TRAPPC9: variants seen among roughly 807,000 people sequenced by gnomAD.
The protein encoded by TRAPPC9 is trafficking protein particle complex subunit 9, also known as IKK2 binding protein.
A neutral mutation model predicts 124.0 loss-of-function variants in TRAPPC9; 83 were observed. The observed-to-expected ratio is 0.67, with a 90% CI of 0.56 to 0.80. The LOEUF is 0.80. Ranked by LOEUF, TRAPPC9 falls within the 30% of genes least tolerant of loss-of-function variation. The probability of loss-of-function intolerance (pLI) is 0.00; values close to 1 mark genes in which losing one functional copy is unlikely to be tolerated. For missense variants in TRAPPC9, 1,302 were observed against 1,508.3 expected (o/e 0.86, Z 2.27); for synonymous variants, 638 against 617.5 (o/e 1.03, Z -0.49).
intron 7 of TRAPPC9, among the ~76,000 whole-genome samples, chr8:140,380,881 A>C (rs2068587012): frequency 6.6e-6 from 1 of 152,028 alleles, no homozygotes; most frequent in Non-Finnish European, 1.5e-5. Flanking sequence ...CCAAAATTAA[A>C]AACTTTTGTG....
chr8:139,746,619 G>A (rs1380150316), intron 21 of TRAPPC9, among the ~76,000 whole-genome samples: 1 of 152,174 alleles, frequency 6.6e-6, no homozygotes, highest in Non-Finnish European at 1.5e-5. Context: ...CCAGGTGAGC[G>A]CCAAAAAGCT....
chr8:139,749,490 C>A (rs184454680), intron 21 of TRAPPC9, among the ~76,000 whole-genome samples: 1 of 152,168 alleles, frequency 6.6e-6, no homozygotes, highest in Non-Finnish European at 1.5e-5. Flanking sequence ...CATCTCTGGG[C>A]GCCATGTCCA....
intron 21 of TRAPPC9, among the ~76,000 whole-genome samples, chr8:139,846,138 G>A (rs1827062733): frequency 6.6e-6 from 1 of 152,250 alleles, no homozygotes. Flanking sequence ...ACAGGCTGCA[G>A]GGAGAGGAGG....
At chr8:140,134,535 A>G (rs1321285698) in intron 17 of TRAPPC9, among the ~76,000 whole-genome samples, 3 of 8,202 alleles carry the variant, frequency 3.7e-4, no homozygotes, top group African/African-American at 1.5e-3. Flanking sequence ...AAGTGCTGGG[A>G]TTACATGGTT....
At chr8:140,165,739 A>T (rs1180789783) in intron 17 of TRAPPC9, among the ~76,000 whole-genome samples, 5 of 152,010 alleles carry the variant, frequency 3.3e-5, no homozygotes, top group Admixed American at 3.3e-4. Flanking sequence ...ATCTTACCTG[A>T]GATTATCTGC....
chr8:139,918,379 T>TG (rs1264961529), intron 19 of TRAPPC9, among the ~76,000 whole-genome samples: 14 of 152,352 alleles, frequency 9.2e-5, no homozygotes, highest in South Asian at 8.3e-4. Context: ...CCCCCGACCC[T>TG]GCACTGGGAA....
rs112021173 is a variant in TRAPPC9, at chr8:139,991,840, G to A, written c.2700-3004C>T. On this transcript the variant is annotated intron_variant, in intron 18 of 22. Coordinates refer to ENST00000438773, the MANE Select transcript of TRAPPC9 (RefSeq NM_001160372.4). ...CTTTTTCAGCAAAGAGAGCAGTTACGTATTAATAAAACCACTCTGATACAG... is the reference window on the plus strand; with the variant it reads ...CTTTTTCAGCAAAGAGAGCAGTTACATATTAATAAAACCACTCTGATACAG... Among the ~76,000 whole-genome samples, 19 of 152,164 alleles carry A rather than the reference G, an allele frequency of 1.2e-4. 1 individual carries two copies. Among genetic ancestry groups the A allele is most frequent in the East Asian group, 3.9e-4 (2 of 5,170 alleles).
chr8:140,009,105 A>G (rs949846928), intron 18 of TRAPPC9, among the ~76,000 whole-genome samples: 6 of 152,220 alleles, frequency 3.9e-5, no homozygotes, highest in East Asian at 1.9e-4. Flanking sequence ...CTTTAGAAGC[A>G]TAATGGAATT....
chr8:140,067,402 C>CAAAAAAAAA (rs1312585603), intron 17 of TRAPPC9, among the ~76,000 whole-genome samples: 10 of 152,180 alleles, frequency 6.6e-5, no homozygotes, highest in Non-Finnish European at 1.5e-5. Flanking sequence ...CTCGGCCTCC[C>CAAAAAAAAA]AAAGTGCTGG....
At chr8:139,970,755 T>C (rs1836005320) in intron 19 of TRAPPC9, among the ~76,000 whole-genome samples, 1 of 152,176 alleles carries the variant, frequency 6.6e-6, no homozygotes, top group Non-Finnish European at 1.5e-5. Context: ...AGCAGGGCTG[T>C]GGCAGGGGTA....
chr8:140,367,986 A>C (rs1313038967), intron 8 of TRAPPC9, among the ~76,000 whole-genome samples: 3 of 152,158 alleles, frequency 2.0e-5, no homozygotes, highest in Non-Finnish European at 4.4e-5. Context: ...CAGGTGAAGA[A>C]AAACTATCAT....
intron 19 of TRAPPC9, among the ~76,000 whole-genome samples, chr8:139,949,289 G>GA (rs1563945489): frequency 6.6e-6 from 1 of 152,100 alleles, no homozygotes; most frequent in Non-Finnish European, 1.5e-5. Flanking sequence ...ATAAAATTGA[G>GA]AAATAATTCT....
In TRAPPC9 at chr8:139,776,410, G is replaced by C. The variant is rs1821385453; in HGVS notation, c.3056-44208C>G. On this transcript the variant is annotated intron_variant, in intron 21 of 22. Transcript: ENST00000438773. The surrounding 1 kb of genome is among the most constrained non-coding windows in gnomAD (Gnocchi z 4.1). ...CCAAAGAGAGGTCACAACGAATTGG[G>C]AAGGATGGGGTGGCACCAGGGTGAA... 6.6e-6 allele frequency among the ~76,000 whole-genome samples: 1 copy of C among 152,240 alleles called. No homozygotes were observed. The highest frequency in any genetic ancestry group is 6.5e-5 in the Admixed American group (1 of 15,286).
rs181182539 is a variant in TRAPPC9 at position 139,780,141 on chromosome 8, G to A, written c.3056-47939C>T. ...ATGCAATACCAACCATAATCCAACC[G>A]TGGACATTGAAAAACTGATTCTAAA... On this transcript the variant is annotated intron_variant, in intron 21 of 22. Coordinates refer to ENST00000438773, the MANE Select transcript of TRAPPC9 (RefSeq NM_001160372.4). Among the ~76,000 whole-genome samples the A allele has an allele frequency of 2.8e-3, 422 of 152,218 alleles. 2 individuals carry two copies. Among genetic ancestry groups the A allele is most frequent in the African/African-American group, 8.7e-3 (361 of 41,548 alleles).
chr8:140,014,171 C>T (rs79410656), intron 18 of TRAPPC9, among the ~76,000 whole-genome samples: 8,624 of 152,128 alleles, frequency 0.057, 789 homozygotes, highest in African/African-American at 0.19. Context: ...CCCCACGCCC[C>T]GCTCAGAGGA....
At chr8:139,968,214 T>C (rs1835836799) in intron 19 of TRAPPC9, among the ~76,000 whole-genome samples, 1 of 152,002 alleles carries the variant, frequency 6.6e-6, no homozygotes, top group Non-Finnish European at 1.5e-5. Flanking sequence ...CAATGGTGCT[T>C]CTGTGTGCTC....
At chr8:139,950,607 C>T (rs1322261170) in intron 19 of TRAPPC9, among the ~76,000 whole-genome samples, 1 of 152,212 alleles carries the variant, frequency 6.6e-6, no homozygotes, top group African/African-American at 2.4e-5. Flanking sequence ...CAAGGCTGCA[C>T]CAGCCAAGGG....
intron 5 of TRAPPC9, among the ~76,000 whole-genome samples, chr8:140,417,439 C>T (rs1365164250): frequency 2.6e-5 from 4 of 152,160 alleles, no homozygotes; most frequent in Admixed American, 6.5e-5. Flanking sequence ...GACATTTATG[C>T]GGCCAACAAA....
intron 17 of TRAPPC9, among the ~76,000 whole-genome samples, chr8:140,129,595 G>A (rs1040662466): frequency 1.1e-4 from 17 of 152,212 alleles, no homozygotes; most frequent in African/African-American, 2.4e-4. Flanking sequence ...CAGTAGAGGC[G>A]ATGGGAGACT....
Sources: allele counts gnomAD v4.1 joint callset (sites outside exome capture counted in the v4.1 genomes callset), GRCh38; gene constraint gnomAD v4.1.1; non-coding constraint Gnocchi (gnomAD v3.1); transcripts MANE v1.5; gene names NCBI Gene and HGNC (gene_info 2026-07-23, HGNC 2026-07-21).